Variants in TENM4 observed in about 807,000 individuals in gnomAD.
TENM4 encodes the protein teneurin-4.
Under a neutral mutation model 243.3 loss-of-function variants are expected in TENM4, and 82 were observed. The ratio of observed to expected loss-of-function variants is 0.34; its 90% confidence interval spans 0.28 to 0.40. The LOEUF is 0.40. Ranked by LOEUF, TENM4 falls within the 10% of genes least tolerant of loss-of-function variation. The pLI, the probability that TENM4 is intolerant of heterozygous loss-of-function variation, is 1.00. For missense variants in TENM4, 3,138 were observed against 3,673.3 expected (o/e 0.85, Z 3.77); for synonymous variants, 1,412 against 1,456.3 (o/e 0.97, Z 0.69).
intron 3 of TENM4, among the ~76,000 whole-genome samples, chr11:79,153,305 C>T (rs959857784): frequency 1.3e-5 from 2 of 152,190 alleles, no homozygotes; most frequent in African/African-American, 4.8e-5. Flanking sequence ...GATGATTCTT[C>T]TTGTGTGAAT....
chr11:78,725,153 C>T (rs1855484122), intron 23 of TENM4, among the ~76,000 whole-genome samples: 1 of 152,234 alleles, frequency 6.6e-6, no homozygotes, highest in African/African-American at 2.4e-5. Flanking sequence ...CCTGTGCCAG[C>T]ACCACACAGT....
At chr11:78,990,033 C>A (rs1318106441) in intron 6 of TENM4, among the ~76,000 whole-genome samples, 1 of 147,612 alleles carries the variant, frequency 6.8e-6, no homozygotes, top group African/African-American at 2.7e-5. Flanking sequence ...CACCATACTC[C>A]AGCCTGGGTG....
chr11:79,233,262 C>A (rs771486897), intron 2 of TENM4, among the ~76,000 whole-genome samples: 3 of 152,156 alleles, frequency 2.0e-5, no homozygotes, highest in Non-Finnish European at 4.4e-5. Context: ...AACTCTGACA[C>A]ATAGCAAATA....
chr11:79,059,230 A>G (rs531032820), intron 6 of TENM4, among the ~76,000 whole-genome samples: 2 of 152,262 alleles, frequency 1.3e-5, no homozygotes, highest in East Asian at 3.9e-4. Flanking sequence ...CTGGGATTAA[A>G]TCATGTACAT....
Position 78,795,617 on chromosome 11 carries a change from G to A in TENM4, c.2180-8534C>T, listed in dbSNP as rs73498536. On this transcript the variant is annotated intron_variant, in intron 15 of 33. Coordinates refer to ENST00000278550, the MANE Select transcript of TENM4 (RefSeq NM_001098816.3). ...GATACGAGATTATATGAAATTATTC[G>A]TATCCACAAGAAACTCAAGTCTGCC... Among the ~76,000 whole-genome samples, 984 of 152,046 alleles carry A rather than the reference G, an allele frequency of 6.5e-3. 10 individuals are homozygous for A. The highest frequency in any genetic ancestry group is 0.023 in the African/African-American group (935 of 41,480).
intron 6 of TENM4, among the ~76,000 whole-genome samples, chr11:78,986,750 T>G (rs1224671040): frequency 6.6e-6 from 1 of 152,162 alleles, no homozygotes; most frequent in Non-Finnish European, 1.5e-5. Context: ...ATTTTTGTAT[T>G]TTTAGTAGAG....
chr11:79,424,467 G>T (rs1387745140), intron 1 of TENM4, among the ~76,000 whole-genome samples: 1 of 152,154 alleles, frequency 6.6e-6, no homozygotes, highest in African/African-American at 2.4e-5. Flanking sequence ...AATTAGCCAG[G>T]TATGATGGCT....
At chr11:78,673,443 G>A (rs1193823313) in intron 30 of TENM4, among the ~76,000 whole-genome samples, 1 of 152,142 alleles carries the variant, frequency 6.6e-6, no homozygotes, top group African/African-American at 2.4e-5. Context: ...AGATAATTAG[G>A]TCACGTGATG....
At chr11:78,728,493 G>A (rs1247871349) in intron 22 of TENM4, among the ~76,000 whole-genome samples, 1 of 142,618 alleles carries the variant, frequency 7.0e-6, no homozygotes, top group Non-Finnish European at 1.5e-5. Flanking sequence ...TCCCTTCCTT[G>A]CTTCTGCTCC....
At chr11:79,210,670 A>C (rs1863939120) in intron 3 of TENM4, among the ~76,000 whole-genome samples, 1 of 152,176 alleles carries the variant, frequency 6.6e-6, no homozygotes, top group African/African-American at 2.4e-5. Flanking sequence ...CTGCTTATCC[A>C]TCTGAAAATG....
At chr11:79,396,000 T>A (rs1858336041) in intron 1 of TENM4, among the ~76,000 whole-genome samples, 1 of 152,226 alleles carries the variant, frequency 6.6e-6, no homozygotes, top group South Asian at 2.1e-4. Flanking sequence ...ATACCAAGTG[T>A]CTAGCTCTCA....
intron 6 of TENM4, among the ~76,000 whole-genome samples, chr11:79,006,344 A>G (rs1858485035): frequency 6.6e-6 from 1 of 152,180 alleles, no homozygotes; most frequent in African/African-American, 2.4e-5. Context: ...ATAAAGATGG[A>G]GTATTCATTT....
At chr11:79,007,842 C>T (rs1858532433) in intron 6 of TENM4, among the ~76,000 whole-genome samples, 1 of 152,198 alleles carries the variant, frequency 6.6e-6, no homozygotes, top group African/African-American at 2.4e-5. Context: ...CTATGCACTG[C>T]ACACTCGGCA....
At chr11:78,823,255 C>T (rs930166901) in intron 12 of TENM4, among the ~76,000 whole-genome samples, 5 of 152,180 alleles carry the variant, frequency 3.3e-5, no homozygotes, top group Admixed American at 6.5e-5. Flanking sequence ...AATGCCCCGG[C>T]CTCAGCGCCT....
chr11:79,138,051 C>G (rs1862146226), intron 4 of TENM4, among the ~76,000 whole-genome samples: 1 of 151,540 alleles, frequency 6.6e-6, no homozygotes, highest in South Asian at 2.1e-4. Context: ...AAAGCAGACC[C>G]ACACTTAATC....
chr11:79,003,642 G>A (rs1038299863), intron 6 of TENM4, among the ~76,000 whole-genome samples: 13 of 152,162 alleles, frequency 8.5e-5, no homozygotes, highest in African/African-American at 3.1e-4. Context: ...CAAAAGGTCT[G>A]CAAGGGAGTG....
Position 78,670,532 on chromosome 11 carries a change from T to C in TENM4, c.5813A>G (p.His1938Arg), listed in dbSNP as rs777536756. The C allele has an allele frequency of 1.2e-6, 2 of 1,608,880 alleles. No homozygotes were observed. Among genetic ancestry groups the C allele is most frequent in the South Asian group, 2.2e-5 (2 of 90,166 alleles). ...YLEKSMVLLL[H>R]SQRQYIFEFD... The stretch of plus-strand genomic sequence containing the variant: ...CTCAAAGATATACTGCCTCTGGCTG[T>C]GTAGTAGCAGCACCATGGACTGGAG... Residue 1938 changes from histidine (H) to arginine (R), a missense_variant, in exon 32 of 34, where the codon CAC (histidine) becomes CGC (arginine). By Grantham distance (29) the His-to-Arg change is conservative (BLOSUM62 0). Transcript: ENST00000278550.
At chr11:79,303,463 T>G (rs1856581078) in intron 1 of TENM4, among the ~76,000 whole-genome samples, 1 of 152,242 alleles carries the variant, frequency 6.6e-6, no homozygotes, top group Non-Finnish European at 1.5e-5. Flanking sequence ...TTATTCTAAT[T>G]GCTAGACTGT....
intron 6 of TENM4, among the ~76,000 whole-genome samples, chr11:78,919,662 G>A (rs1193224366): frequency 1.3e-5 from 2 of 152,088 alleles, no homozygotes; most frequent in Admixed American, 1.3e-4. Flanking sequence ...GGTCAGGAGG[G>A]ATTCATTAAG....
Sources: allele counts gnomAD v4.1 joint callset (sites outside exome capture counted in the v4.1 genomes callset), GRCh38; gene constraint gnomAD v4.1.1; transcripts MANE v1.5; gene names NCBI Gene and HGNC (gene_info 2026-07-23, HGNC 2026-07-21).